The following F13A1 variants were observed in gnomAD, a reference collection of about 807,000 sequenced individuals.
The protein encoded by F13A1 is FSF, A subunit.
A neutral mutation model predicts 80.1 loss-of-function variants in F13A1; 47 were observed. The observed-to-expected ratio is 0.59, with a 90% CI of 0.46 to 0.75. F13A1 has a LOEUF of 0.75. Among genes scored for constraint, F13A1 ranks in the 30% least tolerant of loss-of-function variants. The probability of loss-of-function intolerance (pLI) is 0.00; values close to 1 mark genes in which losing one functional copy is unlikely to be tolerated. For synonymous variants in F13A1, 349 were observed against 344.9 expected, an observed-to-expected ratio of 1.01 and a Z score of -0.13; for missense variants, 817 against 930.4, an observed-to-expected ratio of 0.88 and a Z score of 1.59.
At chr6:6,177,884 T>C (rs921702215) in intron 11 of F13A1, among the ~76,000 whole-genome samples, 2 of 151,684 alleles carry the variant, frequency 1.3e-5, no homozygotes, top group South Asian at 2.1e-4. Context: ...GGGATGCAGG[T>C]GGGGGGCTTG....
At chr6:6,168,128 A>C (rs1399541011) in intron 12 of F13A1, among the ~76,000 whole-genome samples, 1 of 152,182 alleles carries the variant, frequency 6.6e-6, no homozygotes, top group Non-Finnish European at 1.5e-5. Context: ...TTTTCTCTCC[A>C]ATCTGATATG....
At chr6:6,269,270 G>A (rs568652758) in intron 3 of F13A1, among the ~76,000 whole-genome samples, 150 of 152,118 alleles carry the variant, frequency 9.9e-4, no homozygotes, top group African/African-American at 3.5e-3. Context: ...TTTGTGATGG[G>A]GAGGGCAGCT....
intron 3 of F13A1, among the ~76,000 whole-genome samples, chr6:6,274,644 G>T (rs2113134091): frequency 6.6e-6 from 1 of 152,316 alleles, no homozygotes; most frequent in South Asian, 2.1e-4. Context: ...GGACTGTGAA[G>T]CCCCTTCAGT....
intron 8 of F13A1, among the ~76,000 whole-genome samples, chr6:6,212,449 C>T (rs1428358893): frequency 6.6e-6 from 1 of 152,218 alleles, no homozygotes; most frequent in African/African-American, 2.4e-5. Flanking sequence ...GGTACTCCAA[C>T]AGATCTGCAG....
intron 2 of F13A1, among the ~76,000 whole-genome samples, chr6:6,311,629 AAC>A (rs1758597723): frequency 6.8e-6 from 1 of 148,006 alleles, no homozygotes; most frequent in South Asian, 2.1e-4. Context: ...AATATATAAA[AAC>A]ATATATTGTT....
At chr6:6,281,286 A>G (rs1758056350) in intron 3 of F13A1, among the ~76,000 whole-genome samples, 3 of 152,204 alleles carry the variant, frequency 2.0e-5, no homozygotes, top group Admixed American at 2.0e-4. Context: ...GGGAGAGGGC[A>G]TGCTCTTTAC....
chr6:6,303,788 G>T (rs547108938), intron 3 of F13A1, among the ~76,000 whole-genome samples: 6 of 152,080 alleles, frequency 3.9e-5, no homozygotes, highest in Admixed American at 2.6e-4. Context: ...GTTTATATAG[G>T]TTGCGTGTTC....
intron 1 of F13A1, among the ~76,000 whole-genome samples, chr6:6,318,906 A>G (rs141165383): frequency 6.6e-6 from 1 of 152,336 alleles, no homozygotes; most frequent in African/African-American, 2.4e-5. Flanking sequence ...TGTATGTGTC[A>G]AAACATATGG....
At chr6:6,187,866 G>T in intron 10 of F13A1, among the ~76,000 whole-genome samples, 1 of 137,050 alleles carries the variant, frequency 7.3e-6, no homozygotes, top group Non-Finnish European at 1.6e-5. Flanking sequence ...ACTCTTTTTG[G>T]TTGGTAAGCT....
At chr6:6,273,150 T>A (rs2113132209) in intron 3 of F13A1, among the ~76,000 whole-genome samples, 1 of 152,310 alleles carries the variant, frequency 6.6e-6, no homozygotes, top group East Asian at 1.9e-4. Context: ...CCTATAACAA[T>A]TATTTGCCAG....
chr6:6,307,556 T>G (rs151100719), intron 2 of F13A1, among the ~76,000 whole-genome samples: 1 of 152,292 alleles, frequency 6.6e-6, no homozygotes, highest in African/African-American at 2.4e-5. Flanking sequence ...TTAAAGTTTT[T>G]TTTTTAAAAA....
intron 13 of F13A1, among the ~76,000 whole-genome samples, chr6:6,152,449 C>A (rs766403791): frequency 1.3e-5 from 2 of 152,106 alleles, no homozygotes; most frequent in Admixed American, 1.3e-4. Context: ...GAAGAGGAAC[C>A]TGGATACTAA....
In F13A1 at chr6:6,174,771, A is replaced by C. The variant is rs1224605741; in HGVS notation, c.1556T>G (p.Val519Gly). The C allele has an allele frequency of 6.2e-7, 1 of 1,614,196 alleles. No individual in the cohort carries two copies. Among genetic ancestry groups the C allele is most frequent in the Non-Finnish European group, 8.5e-7 (1 of 1,180,016 alleles). The part of the protein sequence containing the change: ...TEGVMKSRSN[V>G]DMDFEVENAV... ...ATTTTCCACTTCAAAGTCCATGTCA[A>C]CGTTGGACCTTGATTTCATGACACC... The change falls in exon 12 of 15, where the codon GTT becomes GGT. Residue 519 changes from valine (V) to glycine (G), a missense_variant. Coordinates refer to ENST00000264870, the MANE Select transcript of F13A1 (RefSeq NM_000129.4).
intron 13 of F13A1, among the ~76,000 whole-genome samples, chr6:6,160,354 G>A (rs1760551579): frequency 6.7e-6 from 1 of 149,216 alleles, no homozygotes; most frequent in Admixed American, 6.7e-5. Context: ...GTTTTGTTTT[G>A]TTTTTTGAGT....
At chr6:6,229,953 G>A (rs1352434278) in intron 6 of F13A1, among the ~76,000 whole-genome samples, 1 of 152,166 alleles carries the variant, frequency 6.6e-6, no homozygotes, top group Non-Finnish European at 1.5e-5. Context: ...AGCTTGCTAG[G>A]TCCCCTAGCA....
At chr6:6,300,752 A>G (rs773833269) in intron 3 of F13A1, among the ~76,000 whole-genome samples, 3 of 151,778 alleles carry the variant, frequency 2.0e-5, no homozygotes, top group Non-Finnish European at 4.4e-5. Flanking sequence ...CTATTCGGCC[A>G]TCTTGGCTCC....
chr6:6,222,281 C>T, intron 7 of F13A1, 110 bp from the exon 8 acceptor site: 1 of 1,408,598 alleles, frequency 7.1e-7, no homozygotes, highest in African/African-American at 1.4e-5. Flanking sequence ...ATGAAAAGCC[C>T]TTTGGACATG....
At chr6:6,177,608 C>G (rs906715227) in intron 11 of F13A1, among the ~76,000 whole-genome samples, 2 of 152,230 alleles carry the variant, frequency 1.3e-5, no homozygotes, top group African/African-American at 4.8e-5. Flanking sequence ...TCAACTAAGC[C>G]TAGCTGTGAA....
chr6:6,213,184 C>T (rs1761652004), intron 8 of F13A1, among the ~76,000 whole-genome samples: 1 of 151,998 alleles, frequency 6.6e-6, no homozygotes, highest in Non-Finnish European at 1.5e-5. Context: ...GAGAACACCA[C>T]AAAGATACTC....
Sources: allele counts gnomAD v4.1 joint callset (sites outside exome capture counted in the v4.1 genomes callset), GRCh38; gene constraint gnomAD v4.1.1; transcripts MANE v1.5; gene names NCBI Gene and HGNC (gene_info 2026-07-23, HGNC 2026-07-21).